The following DGLUCY variants were observed in gnomAD, a reference collection of about 807,000 sequenced individuals.
DGLUCY encodes D-glutamate cyclase, mitochondrial.
In DGLUCY, 58 loss-of-function variants were observed where a neutral mutation model predicts 58.5. That is an observed-to-expected ratio of 0.99 (90% CI 0.80 to 1.23). The LOEUF (loss-of-function observed/expected upper bound fraction) is 1.23. DGLUCY is among the 50% of genes most tolerant of loss of function. The pLI, the probability that DGLUCY is intolerant of heterozygous loss-of-function variation, is 0.00. For synonymous variants in DGLUCY, 325 were observed against 314.1 expected, an observed-to-expected ratio of 1.03 and a Z score of -0.37; for missense variants, 779 against 784.7, an observed-to-expected ratio of 0.99 and a Z score of 0.09.
intron 1 of DGLUCY, among the ~76,000 whole-genome samples, chr14:91,070,772 T>C (rs2043901895): frequency 6.6e-6 from 1 of 152,172 alleles, no homozygotes; most frequent in Non-Finnish European, 1.5e-5. Flanking sequence ...AGATGCATAA[T>C]TGGCATTCCT....
In DGLUCY at chr14:91,116,042, T is replaced by C. The variant is rs531445853; in HGVS notation, c.-82+1759T>C. Among the ~76,000 whole-genome samples, 30 of 152,358 alleles carry C rather than the reference T, an allele frequency of 2.0e-4. 1 individual carries two copies. In the South Asian group the frequency reaches 5.8e-3, roughly 29 times the overall value. On this transcript the variant is annotated intron_variant, in intron 1 of 13. Transcript: ENST00000256324. ...ATTCTCGTCCAAGTGCACAGGTATA[T>C]GCTCTTTCAATTAATTTCAATTAAT...
At chr14:91,093,359 A>C (rs2140069542) in intron 1 of DGLUCY, among the ~76,000 whole-genome samples, 1 of 152,322 alleles carries the variant, frequency 6.6e-6, no homozygotes, top group African/African-American at 2.4e-5. Flanking sequence ...CAAGTTTTGT[A>C]TTTGGGTAGA....
intron 13 of DGLUCY, among the ~76,000 whole-genome samples, chr14:91,219,412 G>A (rs941260876): frequency 7.2e-5 from 11 of 152,350 alleles, no homozygotes; most frequent in Middle Eastern, 3.4e-3. Context: ...AGTGTGCAGA[G>A]GAAATAGCTA....
intron 9 of DGLUCY, among the ~76,000 whole-genome samples, chr14:91,191,199 T>A (rs1240656544): frequency 2.6e-5 from 4 of 152,164 alleles, no homozygotes; most frequent in Non-Finnish European, 5.9e-5. Context: ...AGAAGTAGAT[T>A]AAGCCAGTCA....
intron 1 of DGLUCY, among the ~76,000 whole-genome samples, chr14:91,065,103 T>G (rs548581695): frequency 6.6e-5 from 10 of 152,156 alleles, no homozygotes; most frequent in Non-Finnish European, 1.2e-4. Flanking sequence ...TTCCACAGAC[T>G]TAAGCACTGT....
intron 7 of DGLUCY, 65 bp downstream of exon 7, chr14:91,176,121 T>C: frequency 6.4e-7 from 1 of 1,558,018 alleles, no homozygotes; most frequent in Non-Finnish European, 8.7e-7. Context: ...GTCTAGTTCT[T>C]GAAAGCATAT....
rs552171779 is a variant in DGLUCY at position 91,217,197 on chromosome 14, G to A, written c.1716+1641G>A. ...GTAATTTGGACTTTGGGAAAACGGG[G>A]CCAAAGCTCTGACTTTACATCTAAA... On this transcript the variant is annotated intron_variant, in intron 13 of 13. Coordinates refer to ENST00000256324, the MANE Select transcript of DGLUCY (RefSeq NM_001102368.3). Among the ~76,000 whole-genome samples, 5 of 152,336 alleles carry A rather than the reference G, an allele frequency of 3.3e-5. No homozygotes were observed. The East Asian group carries it at 9.6e-4, about 29-fold the overall frequency.
At chr14:91,217,871 G>T (rs949173161) in intron 13 of DGLUCY, among the ~76,000 whole-genome samples, 7 of 151,848 alleles carry the variant, frequency 4.6e-5, no homozygotes. Flanking sequence ...CTGTTTCTCT[G>T]TGTCTTTCTC....
chr14:91,193,843 GAAA>G (rs76724762), intron 9 of DGLUCY, among the ~76,000 whole-genome samples: 3 of 102,494 alleles, frequency 2.9e-5, no homozygotes, highest in African/African-American at 3.3e-5. Context: ...TTCCATCTTA[GAAA>G]AAAAAAAAAA....
In DGLUCY at chr14:91,205,842, CTT is replaced by C. The variant is rs36096639; in HGVS notation, c.1564+1039_1564+1040del. 1.1e-3 allele frequency among the ~76,000 whole-genome samples: 76 copies of C among 70,716 alleles called. 2 individuals are homozygous for C. Among genetic ancestry groups the C allele is most frequent in the African/African-American group, 4.3e-3 (68 of 15,990 alleles). 46.4% of individuals were successfully genotyped at this position (70,716 alleles called of 152,430 possible). ...TCCTCCTCCTCCCTTTCTTCTTCTT[CTT>C]TTTTTTTTTTTTTTTTTTTTTGAGC... On this transcript the variant is annotated intron_variant, in intron 12 of 13. Coordinates refer to ENST00000256324, the MANE Select transcript of DGLUCY (RefSeq NM_001102368.3).
chr14:91,189,735 C>T (rs2049751686), intron 9 of DGLUCY: 3 of 156,358 alleles, frequency 1.9e-5, no homozygotes, highest in African/African-American at 4.8e-5. Context: ...CAGGCATGAG[C>T]TGGAAGCCTG....
chr14:91,196,199 A>G (rs1220336616), intron 9 of DGLUCY, among the ~76,000 whole-genome samples, 176 bp from the exon 10 acceptor site: 1 of 152,152 alleles, frequency 6.6e-6, no homozygotes, highest in Non-Finnish European at 1.5e-5. Flanking sequence ...CCCAGGACCA[A>G]AAGTAAACTT....
At chr14:91,082,373 G>C (rs1358816451) in intron 1 of DGLUCY, among the ~76,000 whole-genome samples, 1 of 152,094 alleles carries the variant, frequency 6.6e-6, no homozygotes, top group Non-Finnish European at 1.5e-5. Flanking sequence ...TGTTGTTCTT[G>C]GGCTTGTGTT....
chr14:91,217,629 T>C, intron 13 of DGLUCY, among the ~76,000 whole-genome samples: 1 of 150,540 alleles, frequency 6.6e-6, no homozygotes, highest in South Asian at 2.1e-4. Flanking sequence ...GGATTACAGG[T>C]GCCTGCCACC....
intron 10 of DGLUCY, among the ~76,000 whole-genome samples, chr14:91,197,444 A>C (rs889005870): frequency 6.6e-6 from 1 of 152,164 alleles, no homozygotes; most frequent in African/African-American, 2.4e-5. Context: ...CAGTGGCGTA[A>C]AACTACACTC....
chr14:91,085,554 T>G (rs1044808441), intron 1 of DGLUCY, among the ~76,000 whole-genome samples: 4 of 148,934 alleles, frequency 2.7e-5, no homozygotes, highest in Admixed American at 2.0e-4. Context: ...GTTCCTTTGT[T>G]TTTTTTTTGT....
At chr14:91,175,729 A>G (rs1595843081) in intron 6 of DGLUCY, 1 of 482,980 alleles carries the variant, frequency 2.1e-6, no homozygotes, top group East Asian at 4.2e-5. Context: ...TTCTGAAACC[A>G]CCATGCCACA....
intron 3 of DGLUCY, among the ~76,000 whole-genome samples, chr14:91,164,337 C>T (rs2048158993): frequency 6.6e-6 from 1 of 152,186 alleles, no homozygotes. Flanking sequence ...CAAGTATGCA[C>T]AGCTCTGTCA....
At chr14:91,187,532 C>T (rs2049597160) in intron 8 of DGLUCY, among the ~76,000 whole-genome samples, 1 of 152,204 alleles carries the variant, frequency 6.6e-6, no homozygotes, top group Non-Finnish European at 1.5e-5. Context: ...CTGTAGCACA[C>T]ACCGCAGCTT....
Sources: gnomAD v4.1 joint callset for allele counts (sites outside exome capture counted in the v4.1 genomes callset) on GRCh38, gnomAD v4.1.1 for gene constraint, MANE v1.5 for transcripts, NCBI Gene and HGNC (gene_info 2026-07-23, HGNC 2026-07-21) for gene names.